Variants in ACTL6B observed in about 807,000 individuals in gnomAD.
ACTL6B encodes actin like 6B.
A neutral mutation model predicts 63.3 loss-of-function variants in ACTL6B; 48 were observed. That is an observed-to-expected ratio of 0.76 (90% CI 0.60 to 0.96). The LOEUF is 0.96. Among genes scored for constraint, ACTL6B ranks in the 50% least tolerant of loss-of-function variants. ACTL6B has a pLI of 0.00. For synonymous variants in ACTL6B, 230 were observed against 223.8 expected, an observed-to-expected ratio of 1.03 and a Z score of -0.25; for missense variants, 350 against 572.2, an observed-to-expected ratio of 0.61 and a Z score of 3.96.
chr7:100,650,687 A>T lies in ACTL6B; in HGVS notation c.370-552T>A, dbSNP rs565961794. The stretch of plus-strand genomic sequence containing the variant: ...TGCTGTCTCATTAAAAAAAAAATTT[A>T]AAGTAAGGAGCTTGTGGGAATTAAA... On this transcript the variant is annotated intron_variant, in intron 4 of 13. Transcript: ENST00000160382. Among the ~76,000 whole-genome samples the T allele has an allele frequency of 5.9e-5, 9 of 152,190 alleles. No homozygotes were observed. In the East Asian group the frequency reaches 1.5e-3, roughly 26 times the overall value.
chr7:100,646,752 G>A lies in ACTL6B; in HGVS notation c.1016C>T (p.Pro339Leu), dbSNP rs1391385086. Residue 339 changes from proline to leucine, a missense_variant and splice_region_variant, in exon 11 of 14, where the codon CCG becomes CTG. Pro to Leu is a moderately conservative substitution (Grantham distance 98). Coordinates refer to ENST00000160382, the MANE Select transcript of ACTL6B (RefSeq NM_016188.5). This position sits in a 1 kb window ranked among gnomAD's most constrained non-coding sequence, Gnocchi z 6.1. ...SIGMCDIDIR[P>L]GLYGSVIVTG... ...GCCTCAGCTCCGGCCTGGCCTCACC[G>A]GGCGAATATCAATGTCACACATGCC... 1 of 1,612,440 alleles carries A rather than the reference G, an allele frequency of 6.2e-7. No homozygotes were observed. The highest frequency in any genetic ancestry group is 8.5e-7 in the Non-Finnish European group (1 of 1,179,522).
rs1316306175 is a variant in ACTL6B, at chr7:100,646,170, G to A, written c.1200+79C>T. The stretch of plus-strand genomic sequence containing the variant: ...TGTTGAATGAATGAATGAACGAAGA[G>A]GCAGTCAAAGTGGCGGGCACTGTCT... On this transcript the variant is annotated intron_variant, in intron 13 of 13. Coordinates refer to ENST00000160382, the MANE Select transcript of ACTL6B (RefSeq NM_016188.5). The surrounding 1 kb of genome is among the most constrained non-coding windows in gnomAD (Gnocchi z 6.1). The A allele has an allele frequency of 1.7e-6, 2 of 1,172,000 alleles. No homozygotes were observed. Among genetic ancestry groups the A allele is most frequent in the African/African-American group, 1.5e-5 (1 of 65,774 alleles). The allele number at this position is 1,172,000 out of a possible 1,614,324, so 72.6% of individuals were successfully genotyped here.
rs1318209573 is a variant in ACTL6B at position 100,655,909 on chromosome 7, C to T, written c.26-30G>A. The T allele has an allele frequency of 6.5e-7, 1 of 1,548,994 alleles. No individual in the cohort carries two copies. Among genetic ancestry groups the T allele is most frequent in the African/African-American group, 1.4e-5 (1 of 72,966 alleles). On this transcript the variant is annotated intron_variant, in intron 1 of 13. Coordinates refer to ENST00000160382, the MANE Select transcript of ACTL6B (RefSeq NM_016188.5). The surrounding 1 kb of genome is among the most constrained non-coding windows in gnomAD (Gnocchi z 4.4). The stretch of plus-strand genomic sequence containing the variant: ...GCGGGGAGACAGGCCTGTAAGGGGA[C>T]CTCCCCCGAACTCTCTCCCGCTAGG...
rs759534424 is a variant in ACTL6B at position 100,648,911 on chromosome 7, G to C, written c.468-88C>G. The C allele has an allele frequency of 1.5e-6, 2 of 1,343,298 alleles. No homozygotes were observed. The highest frequency in any genetic ancestry group is 2.0e-6 in the Non-Finnish European group (2 of 988,748). 83.2% of individuals were successfully genotyped at this position (1,343,298 alleles called of 1,614,324 possible). Reference sequence around the variant, plus strand: ...TTGTCTGGTCACTCTCTGCTCTACCGGGGTCCAGCCCATCCCCAGTCTGCA... The same window carrying C: ...TTGTCTGGTCACTCTCTGCTCTACCCGGGTCCAGCCCATCCCCAGTCTGCA... On this transcript the variant is annotated intron_variant, in intron 5 of 13. Transcript: ENST00000160382. This position sits in a 1 kb window ranked among gnomAD's most constrained non-coding sequence, Gnocchi z 4.4.
rs761824391 is a variant in ACTL6B, at chr7:100,646,675, G to A, written c.1018-29C>T. On this transcript the variant is annotated intron_variant, in intron 11 of 13. Transcript: ENST00000160382. The surrounding 1 kb of genome is among the most constrained non-coding windows in gnomAD (Gnocchi z 6.1). Reference sequence around the variant, plus strand: ...AGAGCAGGGAGAAGGAGTGAGCTGCGGGGGCAGCCCCCCAACCCCGTCTCC... The same window carrying A: ...AGAGCAGGGAGAAGGAGTGAGCTGCAGGGGCAGCCCCCCAACCCCGTCTCC... 1.3e-5 allele frequency: 21 copies of A among 1,613,100 alleles called. No individual in the cohort carries two copies. Among genetic ancestry groups the A allele is most frequent in the South Asian group, 1.1e-4 (10 of 91,076 alleles).
In ACTL6B at chr7:100,646,176, C is replaced by G; in HGVS notation, c.1200+73G>C. 1 of 1,296,718 alleles carries G rather than the reference C, an allele frequency of 7.7e-7. No homozygotes were observed. Among genetic ancestry groups the G allele is most frequent in the East Asian group, 2.4e-5 (1 of 41,806 alleles). The allele number at this position is 1,296,718 out of a possible 1,614,324, so 80.3% of individuals were successfully genotyped here. On this transcript the variant is annotated intron_variant, in intron 13 of 13. Coordinates refer to ENST00000160382, the MANE Select transcript of ACTL6B (RefSeq NM_016188.5). The surrounding 1 kb of genome is among the most constrained non-coding windows in gnomAD (Gnocchi z 6.1). The stretch of plus-strand genomic sequence containing the variant: ...ATGAATGAATGAACGAAGAGGCAGT[C>G]AAAGTGGCGGGCACTGTCTGGGTCT...
chr7:100,647,627 C>T lies in ACTL6B; in HGVS notation c.670-94G>A, dbSNP rs1023645580. 26 of 935,332 alleles carry T rather than the reference C, an allele frequency of 2.8e-5. No individual in the cohort carries two copies. The African/African-American group carries it at 3.1e-4, about 11-fold the overall frequency. 57.9% of individuals were successfully genotyped at this position (935,332 alleles called of 1,614,324 possible). A position where few individuals can be genotyped will look rare whatever the true frequency, so the allele number is the denominator to read the frequency against. ...TGTTCCCAGCTCTGCAGCTACCTGG[C>T]GCTGCAGGCTCTGCTGTGCTGCCTG... On this transcript the variant is annotated intron_variant, in intron 7 of 13. Coordinates refer to ENST00000160382, the MANE Select transcript of ACTL6B (RefSeq NM_016188.5). This position sits in a 1 kb window ranked among gnomAD's most constrained non-coding sequence, Gnocchi z 4.4.
rs528210442 is a variant in ACTL6B, at chr7:100,652,527, G to A, written c.370-2392C>T. ...CAGGAGAACCCAGGAGGTGGAGCTT[G>A]CAGTGAGCCGAGATCGCGCCATGGC... is the stretch of plus-strand genomic sequence containing the variant. On this transcript the variant is annotated intron_variant, in intron 4 of 13. Transcript: ENST00000160382. Among the ~76,000 whole-genome samples, 14 of 146,716 alleles carry A rather than the reference G, an allele frequency of 9.5e-5. No individual in the cohort carries two copies. In the Middle Eastern group the frequency reaches 0.015, roughly 155 times the overall value.
chr7:100,644,873 C>G (rs1451665486), intron 13 of ACTL6B, among the ~76,000 whole-genome samples: 1 of 152,002 alleles, frequency 6.6e-6, no homozygotes, highest in Non-Finnish European at 1.5e-5. Context: ...TTAGCCAACA[C>G]GGTGAAACCC....
rs567629665 is a variant in ACTL6B at position 100,655,267 on chromosome 7, C to T, written c.269-148G>A. 16 of 1,206,688 alleles carry T rather than the reference C, an allele frequency of 1.3e-5. No individual in the cohort carries two copies. Among genetic ancestry groups the T allele is most frequent in the East Asian group, 2.3e-5 (1 of 42,774 alleles). 74.7% of individuals were successfully genotyped at this position (1,206,688 alleles called of 1,614,324 possible). A position where few individuals can be genotyped will look rare whatever the true frequency, so the allele number is the denominator to read the frequency against. On this transcript the variant is annotated intron_variant, in intron 3 of 13. Transcript: ENST00000160382. This position sits in a 1 kb window ranked among gnomAD's most constrained non-coding sequence, Gnocchi z 4.4. ...CCCCCCTTCCCAGAAACCTGGTGGGCCCCTGGGAAGGGAACCCAGCGAGAA... is the reference window on the plus strand; with the variant it reads ...CCCCCCTTCCCAGAAACCTGGTGGGTCCCTGGGAAGGGAACCCAGCGAGAA...
chr7:100,646,104 TG>T lies in ACTL6B; in HGVS notation c.1200+144del. The T allele has an allele frequency of 1.2e-6, 1 of 819,296 alleles. No individual in the cohort carries two copies. The highest frequency in any genetic ancestry group is 2.0e-6 in the Non-Finnish European group (1 of 498,848). 50.8% of individuals were successfully genotyped at this position (819,296 alleles called of 1,614,324 possible). On this transcript the variant is annotated intron_variant, in intron 13 of 13. Transcript: ENST00000160382. This position sits in a 1 kb window ranked among gnomAD's most constrained non-coding sequence, Gnocchi z 6.1. ...CCGATTTGTGTCCTGTTCACCCTTC[TG>T]GGAACATTCATTGACTGACATTTCT...
rs1181900890 is a variant in ACTL6B, at chr7:100,647,016, C to T, written c.891G>A (p.Glu297=). The change falls in exon 10 of 14, where the codon GAG becomes GAA. Residue 297 remains glutamate (E), a synonymous_variant. Transcript: ENST00000160382. This position sits in a 1 kb window ranked among gnomAD's most constrained non-coding sequence, Gnocchi z 4.4. ...ACAGGCCCTCAGGGATGCGGAGTCGCTCGGCGCCGTAGTCTGTATTGTAGC... is the reference window on the plus strand; with the variant it reads ...ACAGGCCCTCAGGGATGCGGAGTCGTTCGGCGCCGTAGTCTGTATTGTAGC... ...PNGYNTDYGA[E]RLRIPEGLFD... is the part of the protein sequence containing the mutation. The T allele has an allele frequency of 1.3e-5, 21 of 1,614,010 alleles. No homozygotes were observed. The highest frequency in any genetic ancestry group is 3.3e-5 in the Admixed American group (2 of 59,988).
At chr7:100,645,553 T>A (rs1357599234) in intron 13 of ACTL6B, among the ~76,000 whole-genome samples, 1 of 151,926 alleles carries the variant, frequency 6.6e-6, no homozygotes, top group Non-Finnish European at 1.5e-5. Context: ...CATCAGGGTC[T>A]CCCCTCTGCT....
chr7:100,645,694 C>G (rs934653210), intron 13 of ACTL6B, among the ~76,000 whole-genome samples: 1 of 151,524 alleles, frequency 6.6e-6, no homozygotes, highest in Non-Finnish European at 1.5e-5. Context: ...TGCAGTGGCA[C>G]GATCTCAGCT....
Position 100,647,512 on chromosome 7 carries a change from G to A in ACTL6B, c.691C>T (p.Pro231Ser), listed in dbSNP as rs1472584381. The A allele has an allele frequency of 6.2e-7, 1 of 1,607,232 alleles. No individual in the cohort carries two copies. ...TTCTCCTTCTTCTTCCAGTTTGGGGGGGCACCCTCCCGGACAGGCTCCTGT... is the reference window on the plus strand; with the variant it reads ...TTCTCCTTCTTCTTCCAGTTTGGGGAGGCACCCTCCCGGACAGGCTCCTGT... ...AAKEPVREGA[P>S]PNWKKKEKLP... is the part of the protein sequence containing the mutation. The change falls in exon 8 of 14, where the codon CCC becomes TCC. Residue 231 changes from proline (P) to serine (S), a missense_variant. Physicochemically the swap from Pro to Ser is moderately conservative, Grantham distance 74. Around this residue, in one of 3 missense-constraint regions of ACTL6B, gnomAD observed 250 missense variants for 364.7 expected, o/e 0.69. Transcript: ENST00000160382. This position sits in a 1 kb window ranked among gnomAD's most constrained non-coding sequence, Gnocchi z 4.4.
At position 100,646,186 on chromosome 7, in the gene ACTL6B, G is replaced by C. The variant is rs1803818056; in HGVS notation, c.1200+63C>G. 10 of 1,352,342 alleles carry C rather than the reference G, an allele frequency of 7.4e-6. No homozygotes were observed. Among genetic ancestry groups the C allele is most frequent in the African/African-American group, 2.9e-5 (2 of 69,106 alleles). 83.8% of individuals were successfully genotyped at this position (1,352,342 alleles called of 1,614,324 possible). On this transcript the variant is annotated intron_variant, in intron 13 of 13. Coordinates refer to ENST00000160382, the MANE Select transcript of ACTL6B (RefSeq NM_016188.5). The surrounding 1 kb of genome is among the most constrained non-coding windows in gnomAD (Gnocchi z 6.1). ...GAACGAAGAGGCAGTCAAAGTGGCG[G>C]GCACTGTCTGGGTCTCCCCTCTCCC...
chr7:100,650,172 G>A, intron 4 of ACTL6B, 37 bp from the exon 5 acceptor site: 1 of 1,596,822 alleles, frequency 6.3e-7, no homozygotes, highest in Non-Finnish European at 8.6e-7. Flanking sequence ...ATTCAGGAAG[G>A]GAGAGGCACA....
rs1271177293 is a variant in ACTL6B, at chr7:100,655,729, A to T, written c.102+74T>A. ...GCAGAGCTTCTGGGCGATCTGGGAG[A>T]GCCCTGGGTCACTGGAAAGCCTGAA... is the stretch of plus-strand genomic sequence containing the variant. On this transcript the variant is annotated intron_variant, in intron 2 of 13. Coordinates refer to ENST00000160382, the MANE Select transcript of ACTL6B (RefSeq NM_016188.5). This position sits in a 1 kb window ranked among gnomAD's most constrained non-coding sequence, Gnocchi z 4.4. 1 of 1,519,340 alleles carries T rather than the reference A, an allele frequency of 6.6e-7. No individual in the cohort carries two copies. The highest frequency in any genetic ancestry group is 8.9e-7 in the Non-Finnish European group (1 of 1,128,816). The allele number at this position is 1,519,340 out of a possible 1,614,324, so 94.1% of individuals were successfully genotyped here. A position where few individuals can be genotyped will look rare whatever the true frequency, so the allele number is the denominator to read the frequency against.
intron 4 of ACTL6B, among the ~76,000 whole-genome samples, chr7:100,650,608 A>G (rs1468215302): frequency 6.6e-6 from 1 of 152,138 alleles, no homozygotes; most frequent in Admixed American, 6.6e-5. Context: ...AGGCCGAGGC[A>G]GGAGGATTGC....
Sources: gnomAD v4.1 joint callset for allele counts (sites outside exome capture counted in the v4.1 genomes callset) on GRCh38, gnomAD v4.1.1 for gene constraint, gnomAD v4.1.1 regional missense constraint, Gnocchi (gnomAD v3.1) non-coding constraint, MANE v1.5 for transcripts, NCBI Gene and HGNC (gene_info 2026-07-23, HGNC 2026-07-21) for gene names.